The following PPM1E variants were observed in gnomAD, a reference collection of about 807,000 sequenced individuals.
The protein encoded by PPM1E is protein phosphatase 1E.
Under a neutral mutation model 65.9 loss-of-function variants are expected in PPM1E, and 20 were observed. That is an observed-to-expected ratio of 0.30 (90% CI 0.21 to 0.44). The LOEUF (loss-of-function observed/expected upper bound fraction) is 0.44, where lower values mean the gene tolerates loss of function less well. PPM1E is among the 20% of genes least tolerant of loss of function. PPM1E has a pLI of 1.00. For synonymous variants in PPM1E, 352 were observed against 374.9 expected, an observed-to-expected ratio of 0.94 and a Z score of 0.70; for missense variants, 713 against 953.1, an observed-to-expected ratio of 0.75 and a Z score of 3.32.
At chr17:58,771,773 A>G (rs1249600773) in intron 1 of PPM1E, among the ~76,000 whole-genome samples, 1 of 152,082 alleles carries the variant, frequency 6.6e-6, no homozygotes, top group East Asian at 1.9e-4. Context: ...CAAGTGGCAA[A>G]TTAATTTTTT....
rs912913498 is a variant in PPM1E, at chr17:58,981,717, G to T, written c.*686G>T. On this transcript the variant is annotated 3_prime_UTR_variant, in exon 7 of 7. Coordinates refer to ENST00000308249, the MANE Select transcript of PPM1E (RefSeq NM_014906.5). ...TTAAAAAATATTTCCTAGGGCTGTAGTTATTTGGGAGTTTCATAACCTGTT... is the reference window on the plus strand; with the variant it reads ...TTAAAAAATATTTCCTAGGGCTGTATTTATTTGGGAGTTTCATAACCTGTT... The T allele has an allele frequency of 1.3e-4, 20 of 150,660 alleles. No homozygotes were observed. Among genetic ancestry groups the T allele is most frequent in the Non-Finnish European group, 1.0e-4 (7 of 67,794 alleles). The allele number at this position is 150,660 out of a possible 1,614,324, so 9.3% of individuals were successfully genotyped here.
intron 1 of PPM1E, among the ~76,000 whole-genome samples, chr17:58,827,200 C>T (rs900655876): frequency 1.3e-5 from 2 of 148,216 alleles, no homozygotes; most frequent in African/African-American, 5.0e-5. Flanking sequence ...TGCAATGCCA[C>T]GATCTTGGTT....
intron 1 of PPM1E, among the ~76,000 whole-genome samples, chr17:58,927,285 C>G (rs551466084): frequency 2.0e-5 from 3 of 151,854 alleles, no homozygotes; most frequent in Admixed American, 1.3e-4. Context: ...TGCCACCATG[C>G]CCGGCTAATT....
chr17:58,804,640 T>C lies in PPM1E; in HGVS notation c.464+48179T>C, dbSNP rs569415529. 2.8e-4 allele frequency among the ~76,000 whole-genome samples: 43 copies of C among 152,310 alleles called. 1 individual carries two copies. The Middle Eastern group carries it at 0.017, about 60-fold the overall frequency. ...TCTACTTTTTATAGTTTCTGAATCA[T>C]TTGCTCAGGTATAATAGTTATTTGA... On this transcript the variant is annotated intron_variant, in intron 1 of 6. Coordinates refer to ENST00000308249, the MANE Select transcript of PPM1E (RefSeq NM_014906.5).
At chr17:58,870,558 A>T (rs1216347740) in intron 1 of PPM1E, among the ~76,000 whole-genome samples, 1 of 152,116 alleles carries the variant, frequency 6.6e-6, no homozygotes, top group East Asian at 1.9e-4. Flanking sequence ...GCTCCCACTT[A>T]TAAGTGAGAA....
intron 1 of PPM1E, among the ~76,000 whole-genome samples, chr17:58,860,540 GC>G (rs2050928218): frequency 6.6e-6 from 1 of 152,160 alleles, no homozygotes; most frequent in Non-Finnish European, 1.5e-5. Context: ...AGGGGGTTAT[GC>G]CAGATAAAAC....
intron 1 of PPM1E, among the ~76,000 whole-genome samples, chr17:58,822,197 C>T (rs2050486880): frequency 6.6e-6 from 1 of 151,780 alleles, no homozygotes. Flanking sequence ...TGAAAAGAGA[C>T]CAAAGAAAAG....
intron 1 of PPM1E, among the ~76,000 whole-genome samples, chr17:58,874,564 CT>C (rs2051108261): frequency 6.6e-6 from 1 of 152,050 alleles, no homozygotes; most frequent in African/African-American, 2.4e-5. Flanking sequence ...TGTAAGATAT[CT>C]TTGCAAAGTT....
chr17:58,942,913 C>T (rs969502488), intron 1 of PPM1E, among the ~76,000 whole-genome samples: 14 of 151,886 alleles, frequency 9.2e-5, no homozygotes, highest in African/African-American at 4.8e-5. Flanking sequence ...ATCCCAGTTA[C>T]TCAGGAGGTT....
intron 1 of PPM1E, among the ~76,000 whole-genome samples, chr17:58,933,636 CA>C (rs2051933694): frequency 6.7e-6 from 1 of 148,246 alleles, no homozygotes; most frequent in Non-Finnish European, 1.5e-5. Flanking sequence ...TCTCTACTAA[CA>C]ATACAAAAAT....
At chr17:58,809,363 A>G (rs1395351398) in intron 1 of PPM1E, among the ~76,000 whole-genome samples, 1 of 152,136 alleles carries the variant, frequency 6.6e-6, no homozygotes, top group African/African-American at 2.4e-5. Flanking sequence ...TGTTGGGATT[A>G]CAAGTGTGAA....
At chr17:58,883,751 C>G (rs1007862900) in intron 1 of PPM1E, among the ~76,000 whole-genome samples, 1 of 151,882 alleles carries the variant, frequency 6.6e-6, no homozygotes, top group East Asian at 2.0e-4. Context: ...TCCCAAAGTG[C>G]TGGGATTACA....
At chr17:58,926,934 A>G (rs912347267) in intron 1 of PPM1E, among the ~76,000 whole-genome samples, 1 of 152,134 alleles carries the variant, frequency 6.6e-6, no homozygotes, top group African/African-American at 2.4e-5. Context: ...TTCTTATAGC[A>G]TGAAAATTAA....
chr17:58,917,974 T>A (rs918079993), intron 1 of PPM1E, among the ~76,000 whole-genome samples: 2 of 152,224 alleles, frequency 1.3e-5, no homozygotes, highest in African/African-American at 2.4e-5. Flanking sequence ...TCCATAGAAT[T>A]CCTGAAAATA....
At chr17:58,963,872 G>C (rs567793432) in intron 2 of PPM1E, among the ~76,000 whole-genome samples, 1 of 152,120 alleles carries the variant, frequency 6.6e-6, no homozygotes, top group African/African-American at 2.4e-5. Context: ...CTGGACCACA[G>C]AGCAAGACTC....
At chr17:58,919,949 G>C (rs554649240) in intron 1 of PPM1E, among the ~76,000 whole-genome samples, 49 of 152,288 alleles carry the variant, frequency 3.2e-4, no homozygotes, top group Admixed American at 9.2e-4. Flanking sequence ...GGTCAGGGGA[G>C]GGCAGGGTAG....
rs922056097 is a variant in PPM1E, at chr17:58,883,683, C to T, written c.465-71966C>T. 2.6e-3 allele frequency among the ~76,000 whole-genome samples: 395 copies of T among 151,674 alleles called. 1 individual carries two copies. The highest frequency in any genetic ancestry group is 8.9e-3 in the African/African-American group (370 of 41,378). On this transcript the variant is annotated intron_variant, in intron 1 of 6. Coordinates refer to ENST00000308249, the MANE Select transcript of PPM1E (RefSeq NM_014906.5). ...GTGTTTTTTAGTAGAGACGGGGTTT[C>T]ACTGTGTTAGCCAGGATGGTCTCGA... is the stretch of plus-strand genomic sequence containing the variant.
chr17:58,878,000 C>T (rs1422070082), intron 1 of PPM1E, among the ~76,000 whole-genome samples: 1 of 151,106 alleles, frequency 6.6e-6, no homozygotes, highest in African/African-American at 2.4e-5. Flanking sequence ...AATTATGGTT[C>T]TGTTTAAAAA....
intron 1 of PPM1E, among the ~76,000 whole-genome samples, chr17:58,779,311 A>C (rs1009612158): frequency 4.6e-5 from 7 of 150,956 alleles, no homozygotes; most frequent in African/African-American, 1.7e-4. Context: ...AGCTGGGATT[A>C]TAGGCATGCA....
Sources: gnomAD v4.1 joint callset for allele counts (sites outside exome capture counted in the v4.1 genomes callset) on GRCh38, gnomAD v4.1.1 for gene constraint, MANE v1.5 for transcripts, NCBI Gene and HGNC (gene_info 2026-07-23, HGNC 2026-07-21) for gene names.